The following TMC7 variants were observed in gnomAD, a reference collection of about 807,000 sequenced individuals.
TMC7 encodes transmembrane channel like 7.
TMC7 carries 54 observed loss-of-function variants against 82.9 expected under a neutral mutation model. That is an observed-to-expected ratio of 0.65 (90% confidence interval 0.52 to 0.82). TMC7 has a LOEUF of 0.82. TMC7 is among the 40% of genes least tolerant of loss of function. The pLI is 0.00. For missense variants in TMC7, 820 were observed against 901.2 expected (o/e 0.91, Z 1.15); for synonymous variants, 350 against 337.9 (o/e 1.04, Z -0.39).
intron 13 of TMC7, among the ~76,000 whole-genome samples, chr16:19,054,306 G>A (rs1260140003): frequency 6.6e-6 from 1 of 152,092 alleles, no homozygotes; most frequent in Non-Finnish European, 1.5e-5. Context: ...TCAACTGGAT[G>A]TCCCAATTGT....
intron 14 of TMC7, among the ~76,000 whole-genome samples, chr16:19,057,266 T>C (rs976652667): frequency 6.6e-6 from 1 of 152,202 alleles, no homozygotes; most frequent in Non-Finnish European, 1.5e-5. Flanking sequence ...ATATATTGCC[T>C]ATTATTAACA....
At chr16:19,031,422 G>A (rs1960511401) in intron 6 of TMC7, among the ~76,000 whole-genome samples, 1 of 152,154 alleles carries the variant, frequency 6.6e-6, no homozygotes, top group Admixed American at 6.6e-5. Context: ...GGGAGAGAGA[G>A]CAATTCCCAA....
At chr16:19,043,509 A>G (rs1961117824) in intron 9 of TMC7, among the ~76,000 whole-genome samples, 1 of 152,210 alleles carries the variant, frequency 6.6e-6, no homozygotes, top group Admixed American at 6.5e-5. Flanking sequence ...ATCCATCTCC[A>G]GAACCTTTTC....
intron 9 of TMC7, among the ~76,000 whole-genome samples, chr16:19,042,783 G>C (rs1961078493): frequency 1.3e-5 from 2 of 151,244 alleles, no homozygotes; most frequent in South Asian, 2.1e-4. Context: ...GTCTCGCTCT[G>C]TCACCCAGGC....
Position 19,035,800 on chromosome 16 carries a change from A to T in TMC7, c.982A>T (p.Ser328Cys). Residue 328 changes from serine to cysteine, a missense_variant, in exon 7 of 16, where the codon AGC becomes TGC. Physicochemically the swap from Ser to Cys is moderately radical, Grantham distance 112. Transcript: ENST00000304381. ...CCGCAGCATGGCGGATCTGAAGCAC[A>T]GCAGCTTGCGGTACGAGCTCCGAGT... ...TNRSMADLKHSSLRYELRADL... is the reference protein window; with the variant it reads ...TNRSMADLKHCSLRYELRADL... 2 of 1,601,718 alleles carry T rather than the reference A, an allele frequency of 1.2e-6. No individual in the cohort carries two copies. The highest frequency in any genetic ancestry group is 3.4e-5 in the Admixed American group (2 of 58,696).
chr16:19,044,380 G>C (rs2142280660), intron 9 of TMC7, among the ~76,000 whole-genome samples: 1 of 152,026 alleles, frequency 6.6e-6, no homozygotes, highest in South Asian at 2.1e-4. Flanking sequence ...CGGCCAGGGG[G>C]TGGTGGTCTT....
At chr16:19,017,760 C>T (rs1959771618) in intron 3 of TMC7, among the ~76,000 whole-genome samples, 1 of 151,878 alleles carries the variant, frequency 6.6e-6, no homozygotes, top group Non-Finnish European at 1.5e-5. Context: ...GGCTCCGCCC[C>T]CCGGGGTTCA....
At chr16:19,020,637 G>T (rs1959920743) in intron 3 of TMC7, among the ~76,000 whole-genome samples, 1 of 151,736 alleles carries the variant, frequency 6.6e-6, no homozygotes, top group Non-Finnish European at 1.5e-5. Flanking sequence ...GGAGGCTGAG[G>T]CAGGTGGATC....
intron 11 of TMC7, among the ~76,000 whole-genome samples, chr16:19,045,752 A>G (rs1312734794): frequency 1.3e-5 from 2 of 151,690 alleles, no homozygotes; most frequent in African/African-American, 2.4e-5. Context: ...GTGTGCCACC[A>G]TGCCTGGCTA....
intron 3 of TMC7, among the ~76,000 whole-genome samples, chr16:19,017,543 C>T (rs1959756221): frequency 6.6e-6 from 1 of 151,578 alleles, no homozygotes; most frequent in Admixed American, 6.6e-5. Flanking sequence ...TTATCCCAGC[C>T]AGGTGGTGGT....
chr16:19,026,395 T>C (rs1960228389), intron 5 of TMC7, among the ~76,000 whole-genome samples: 1 of 150,728 alleles, frequency 6.6e-6, no homozygotes, highest in African/African-American at 2.4e-5. Context: ...GAGAATGGCG[T>C]GAACCTGGGA....
chr16:19,060,985 C>G (rs529844166), intron 15 of TMC7, among the ~76,000 whole-genome samples: 1 of 149,242 alleles, frequency 6.7e-6, no homozygotes, highest in Non-Finnish European at 1.5e-5. Context: ...AGGGGTTTCA[C>G]CATGATGGCC....
At chr16:18,990,022 A>G (rs1054896618) in intron 1 of TMC7, among the ~76,000 whole-genome samples, 4 of 151,790 alleles carry the variant, frequency 2.6e-5, no homozygotes, top group African/African-American at 7.3e-5. Flanking sequence ...ATTAGTTCTT[A>G]TAGGTTTTGG....
intron 1 of TMC7, among the ~76,000 whole-genome samples, chr16:19,006,156 G>A (rs2039236541): frequency 6.6e-6 from 1 of 151,814 alleles, no homozygotes; most frequent in African/African-American, 2.4e-5. Context: ...AACAGGCTGT[G>A]TAGCAAGTCC....
At chr16:19,053,364 G>A (rs1330253704) in intron 13 of TMC7, among the ~76,000 whole-genome samples, 1 of 147,744 alleles carries the variant, frequency 6.8e-6, no homozygotes, top group Non-Finnish European at 1.5e-5. Flanking sequence ...CCATGTCCAT[G>A]GACATACTAA....
At chr16:19,027,102 G>A (rs2142226636) in intron 5 of TMC7, among the ~76,000 whole-genome samples, 1 of 108,006 alleles carries the variant, frequency 9.3e-6, no homozygotes, top group South Asian at 3.3e-4. Context: ...ACAGAGTCTC[G>A]CTCTGTCACC....
rs549355789 is a variant in TMC7, at chr16:19,016,555, G to A, written c.417G>A (p.Thr139=). The change falls in exon 3 of 16, where the codon ACG becomes ACA. Residue 139 remains threonine, a synonymous_variant. Coordinates refer to ENST00000304381, the MANE Select transcript of TMC7 (RefSeq NM_024847.4). ...TCCTAGAGAAGGCTCGAGAGATGAC[G>A]ACCCACCTGGAGCTGTGGCGGGAGG... ...KRFLEKAREM[T]THLELWREDI... The A allele has an allele frequency of 1.1e-5, 18 of 1,614,084 alleles. No individual in the cohort carries two copies. The highest frequency in any genetic ancestry group is 3.3e-5 in the Admixed American group (2 of 60,018).
intron 9 of TMC7, 136 bp from the exon 10 acceptor site, chr16:19,044,748 A>G (rs1214790209): frequency 9.5e-6 from 5 of 524,154 alleles, no homozygotes; most frequent in Non-Finnish European, 1.7e-5. Flanking sequence ...AGCCTGGGCA[A>G]CAGAGCAAAC....
At chr16:19,033,278 TATC>T (rs939717775) in intron 6 of TMC7, among the ~76,000 whole-genome samples, 1 of 152,122 alleles carries the variant, frequency 6.6e-6, no homozygotes, top group Non-Finnish European at 1.5e-5. Context: ...AAGTTAAAAT[TATC>T]ATCATCATCA....
Sources: allele counts gnomAD v4.1 joint callset (sites outside exome capture counted in the v4.1 genomes callset), GRCh38; gene constraint gnomAD v4.1.1; transcripts MANE v1.5; gene names NCBI Gene and HGNC (gene_info 2026-07-23, HGNC 2026-07-21).